The following KHDRBS2 variants were observed in gnomAD, a reference collection of about 807,000 sequenced individuals.
The protein encoded by KHDRBS2 is KH domain-containing, RNA-binding, signal transduction-associated protein 2.
Under a neutral mutation model 44.3 loss-of-function variants are expected in KHDRBS2, and 26 were observed. The observed-to-expected ratio is 0.59, with a 90% CI of 0.43 to 0.81. The LOEUF (loss-of-function observed/expected upper bound fraction) is 0.81, where lower values mean the gene tolerates loss of function less well. KHDRBS2 is among the 40% of genes least tolerant of loss of function. The probability of loss-of-function intolerance (pLI) is 0.00; values close to 1 mark genes in which losing one functional copy is unlikely to be tolerated. For synonymous variants in KHDRBS2, 194 were observed against 151.1 expected, an observed-to-expected ratio of 1.28 and a Z score of -2.08; for missense variants, 476 against 433.1, an observed-to-expected ratio of 1.10 and a Z score of -0.88.
At chr6:61,926,957 T>A (rs1178989103) in intron 4 of KHDRBS2, among the ~76,000 whole-genome samples, 1 of 151,914 alleles carries the variant, frequency 6.6e-6, no homozygotes, top group Non-Finnish European at 1.5e-5. Context: ...TTCAAATAAA[T>A]CTCTAGCATC....
chr6:61,841,698 A>T (rs1793631659), intron 6 of KHDRBS2, among the ~76,000 whole-genome samples: 1 of 152,200 alleles, frequency 6.6e-6, no homozygotes, highest in Non-Finnish European at 1.5e-5. Context: ...AATCATTTAC[A>T]ACACTTAGCA....
the KHDRBS2 span, among the ~76,000 whole-genome samples, chr6:61,623,986 CAT>C: frequency 6.6e-6 from 1 of 152,060 alleles, no homozygotes; most frequent in Non-Finnish European, 1.5e-5. Context: ...GAGGTGAAAA[CAT>C]ATACAAATTC....
At chr6:62,217,343 G>T (rs1201839819) in intron 1 of KHDRBS2, among the ~76,000 whole-genome samples, 1 of 151,666 alleles carries the variant, frequency 6.6e-6, no homozygotes, top group African/African-American at 2.4e-5. Flanking sequence ...TTTATTTAAG[G>T]AGTATATATT....
intron 2 of KHDRBS2, among the ~76,000 whole-genome samples, chr6:62,073,303 TAAC>T (rs1795617165): frequency 6.6e-6 from 1 of 151,758 alleles, no homozygotes; most frequent in Non-Finnish European, 1.5e-5. Flanking sequence ...TGTATATTTT[TAAC>T]AACTTTTCAT....
At chr6:61,750,977 C>A (rs1777597364) in intron 6 of KHDRBS2, among the ~76,000 whole-genome samples, 1 of 151,846 alleles carries the variant, frequency 6.6e-6, no homozygotes, top group African/African-American at 2.4e-5. Flanking sequence ...ACTAAAAATA[C>A]AAATATATAA....
chr6:61,954,346 T>C (rs1383023616), intron 4 of KHDRBS2, among the ~76,000 whole-genome samples: 6 of 150,132 alleles, frequency 4.0e-5, no homozygotes, highest in Non-Finnish European at 3.0e-5. Flanking sequence ...TAGATAGATA[T>C]ACATATGTAT....
At chr6:61,665,333 T>C in the KHDRBS2 span, among the ~76,000 whole-genome samples, 1 of 151,450 alleles carries the variant, frequency 6.6e-6, no homozygotes. Context: ...TTAAGTGTTT[T>C]ACTACAATGT....
At chr6:62,225,632 T>C (rs471409) in intron 1 of KHDRBS2, among the ~76,000 whole-genome samples, 27,768 of 152,146 alleles carry the variant, frequency 0.18, 2,890 homozygotes, top group African/African-American at 0.3. Flanking sequence ...CAACTCGTCA[T>C]GTAGGTTTTA....
At chr6:61,920,068 T>C (rs1807785892) in intron 4 of KHDRBS2, among the ~76,000 whole-genome samples, 1 of 152,026 alleles carries the variant, frequency 6.6e-6, no homozygotes, top group African/African-American at 2.4e-5. Context: ...TATACAGTGG[T>C]AAAATTTGCA....
chr6:62,263,202 A>G (rs1361026571), intron 1 of KHDRBS2, among the ~76,000 whole-genome samples: 1 of 151,728 alleles, frequency 6.6e-6, no homozygotes, highest in East Asian at 1.9e-4. Flanking sequence ...ATTCAGTGCT[A>G]TGAAATTTTC....
chr6:61,607,196 G>A, the KHDRBS2 span, among the ~76,000 whole-genome samples: 1 of 151,900 alleles, frequency 6.6e-6, no homozygotes, highest in Non-Finnish European at 1.5e-5. Flanking sequence ...AAGAAAAACA[G>A]AGGGAAGAGA....
chr6:62,240,677 TATATA>T, intron 1 of KHDRBS2, among the ~76,000 whole-genome samples: 1 of 53,706 alleles, frequency 1.9e-5, no homozygotes, highest in Non-Finnish European at 3.5e-5. Flanking sequence ...TGTGTGTATA[TATATA>T]TATATATATA....
At chr6:62,244,279 T>C (rs1245570119) in intron 1 of KHDRBS2, among the ~76,000 whole-genome samples, 1 of 152,158 alleles carries the variant, frequency 6.6e-6, no homozygotes, top group Non-Finnish European at 1.5e-5. Context: ...AAAGTATTTA[T>C]ATATCATAAA....
intron 8 of KHDRBS2, among the ~76,000 whole-genome samples, chr6:61,696,797 T>C (rs1767957797): frequency 6.6e-6 from 1 of 152,138 alleles, no homozygotes; most frequent in Non-Finnish European, 1.5e-5. Flanking sequence ...TTGAGAGTTA[T>C]TTTATAGTAA....
intron 3 of KHDRBS2, among the ~76,000 whole-genome samples, chr6:61,994,104 C>T (rs755488843): frequency 6.6e-6 from 1 of 152,100 alleles, no homozygotes; most frequent in Non-Finnish European, 1.5e-5. Context: ...TATTGGTACA[C>T]AAGAAACTCC....
chr6:62,137,375 T>C (rs978433446), intron 2 of KHDRBS2, among the ~76,000 whole-genome samples: 2 of 152,178 alleles, frequency 1.3e-5, no homozygotes, highest in Admixed American at 6.5e-5. Flanking sequence ...GGCATGTAAA[T>C]AGACATGCCA....
At chr6:62,113,988 G>A (rs1243354771) in intron 2 of KHDRBS2, among the ~76,000 whole-genome samples, 1 of 152,106 alleles carries the variant, frequency 6.6e-6, no homozygotes, top group Non-Finnish European at 1.5e-5. Flanking sequence ...CATGGCAGAA[G>A]GGGAAGCAAA....
chr6:62,269,407 A>C (rs1839720713), intron 1 of KHDRBS2, among the ~76,000 whole-genome samples: 2 of 152,074 alleles, frequency 1.3e-5, no homozygotes, highest in Non-Finnish European at 2.9e-5. Flanking sequence ...ATCCAATTAA[A>C]AATTTTTCTC....
At chr6:62,171,582 A>G (rs1292719824) in intron 2 of KHDRBS2, among the ~76,000 whole-genome samples, 2 of 152,124 alleles carry the variant, frequency 1.3e-5, no homozygotes, top group African/African-American at 2.4e-5. Flanking sequence ...AATGCAGAGA[A>G]CCACTGTAAG....
Sources: allele counts gnomAD v4.1 joint callset (sites outside exome capture counted in the v4.1 genomes callset), GRCh38; gene constraint gnomAD v4.1.1; transcripts MANE v1.5; gene names NCBI Gene and HGNC (gene_info 2026-07-23, HGNC 2026-07-21).